Variants in COL5A2 observed in about 807,000 individuals in gnomAD.
The protein encoded by COL5A2 is collagen alpha-2(V) chain.
Under a neutral mutation model 208.2 loss-of-function variants are expected in COL5A2, and 23 were observed. The ratio of observed to expected loss-of-function variants is 0.11; its 90% CI spans 0.08 to 0.16. COL5A2 has a LOEUF of 0.16. COL5A2 is among the 10% of genes least tolerant of loss of function. COL5A2 has a pLI of 1.00. For missense variants in COL5A2, 1,590 were observed against 1,956.4 expected (o/e 0.81, Z 3.53); for synonymous variants, 625 against 628.5 (o/e 0.99, Z 0.08).
At chr2:189,201,295 A>T (rs2105857223) in intron 1 of COL5A2, among the ~76,000 whole-genome samples, 1 of 152,170 alleles carries the variant, frequency 6.6e-6, no homozygotes, top group Middle Eastern at 3.4e-3. Context: ...TATTAAAAAG[A>T]GGTTTTAATA....
At chr2:189,137,338 C>T (rs1687845833) in intron 1 of COL5A2, among the ~76,000 whole-genome samples, 1 of 152,108 alleles carries the variant, frequency 6.6e-6, no homozygotes, top group Admixed American at 6.5e-5. Context: ...CAAGGCCACG[C>T]CTAAATCCAA....
chr2:189,229,162 T>G (rs1477875054), upstream of COL5A2, among the ~76,000 whole-genome samples: 1 of 151,606 alleles, frequency 6.6e-6, no homozygotes, highest in Non-Finnish European at 1.5e-5. Context: ...CATCATAACA[T>G]AACAAGGTTA....
At chr2:189,092,214 G>T in intron 7 of COL5A2, 96 bp downstream of exon 7, 2 of 812,072 alleles carry the variant, frequency 2.5e-6, no homozygotes, top group Non-Finnish European at 4.2e-6. Context: ...ACAGTCAAGT[G>T]TCAATATCTG....
At chr2:189,171,902 G>A (rs1291375242) in intron 1 of COL5A2, among the ~76,000 whole-genome samples, 1 of 152,202 alleles carries the variant, frequency 6.6e-6, no homozygotes, top group Non-Finnish European at 1.5e-5. Context: ...GGAGCCCATG[G>A]ATGAAGCTGA....
intron 1 of COL5A2, among the ~76,000 whole-genome samples, chr2:189,167,607 C>T (rs796796061): frequency 1.5e-4 from 22 of 150,996 alleles, no homozygotes; most frequent in African/African-American, 5.1e-4. Context: ...CTTGCCTAAT[C>T]TCATCAACAA....
chr2:189,057,394 T>G lies in COL5A2; in HGVS notation c.2263A>C (p.Thr755Pro), dbSNP rs34395097. Reference sequence around the variant, plus strand: ...ATACCTTGAAGACCTGGTGGGCCTGTATCTCCAGGGGTCCCAGATGGACCT... The same window carrying G: ...ATACCTTGAAGACCTGGTGGGCCTGGATCTCCAGGGGTCCCAGATGGACCT... ...SPGPSGTPGDTGPPGLQGMPG... is the reference protein window; with the variant it reads ...SPGPSGTPGDPGPPGLQGMPG... The change falls in exon 34 of 54, where the codon ACA becomes CCA. Residue 755 changes from threonine (T) to proline (P), a missense_variant. Transcript: ENST00000374866. The G allele has an allele frequency of 3.0e-5, 49 of 1,613,598 alleles. No homozygotes were observed. The African/African-American group carries it at 6.0e-4, about 20-fold the overall frequency.
the COL5A2 span, among the ~76,000 whole-genome samples, chr2:189,435,878 G>T: frequency 5.3e-5 from 8 of 152,112 alleles, no homozygotes; most frequent in African/African-American, 1.9e-4. Context: ...ACACGCACAC[G>T]TTATGTTTAT....
the COL5A2 span, among the ~76,000 whole-genome samples, chr2:189,320,097 T>A: frequency 6.6e-6 from 1 of 152,204 alleles, no homozygotes; most frequent in African/African-American, 2.4e-5. Flanking sequence ...GACCTGCAGC[T>A]GAGGATTCCG....
At chr2:189,057,164 T>C in intron 34 of COL5A2, 138 bp from the exon 35 acceptor site, 2 of 1,084,076 alleles carry the variant, frequency 1.8e-6, no homozygotes, top group South Asian at 1.3e-5. Context: ...CCTCACACTG[T>C]GCATTTTCTC....
the COL5A2 span, among the ~76,000 whole-genome samples, chr2:189,258,897 A>G: frequency 6.6e-6 from 1 of 152,116 alleles, no homozygotes; most frequent in Admixed American, 6.5e-5. Context: ...ACAGGTGTCA[A>G]CCTTGGCTCT....
At chr2:189,250,372 A>C in the COL5A2 span, among the ~76,000 whole-genome samples, 1 of 152,208 alleles carries the variant, frequency 6.6e-6, no homozygotes, top group Non-Finnish European at 1.5e-5. Context: ...GCCAAAATTA[A>C]AACCCAGACA....
At chr2:189,060,918 T>G in intron 30 of COL5A2, 135 bp from the exon 31 acceptor site, 2 of 672,828 alleles carry the variant, frequency 3.0e-6, no homozygotes, top group Non-Finnish European at 5.3e-6. Context: ...TTCAGACATT[T>G]TAAGTAAAAA....
At chr2:189,197,854 GT>G (rs5837131) in intron 1 of COL5A2, among the ~76,000 whole-genome samples, 80,403 of 140,608 alleles carry the variant, frequency 0.57, 23,161 homozygotes, top group East Asian at 0.7. Context: ...ATAGGCTCTT[GT>G]TTTTTTTTTT....
At chr2:189,428,574 T>A in the COL5A2 span, among the ~76,000 whole-genome samples, 1 of 151,872 alleles carries the variant, frequency 6.6e-6, no homozygotes, top group Non-Finnish European at 1.5e-5. Context: ...GCCAAGACTG[T>A]GCCACTGCAC....
intron 1 of COL5A2, among the ~76,000 whole-genome samples, chr2:189,130,450 T>C (rs138232408): frequency 8.8e-4 from 134 of 152,202 alleles, no homozygotes; most frequent in Non-Finnish European, 1.6e-3. Flanking sequence ...ACACTCATCA[T>C]ATTTATTCCT....
At chr2:189,051,583 G>A (rs927259710) in intron 41 of COL5A2, 102 bp from the exon 42 acceptor site, 6 of 1,048,650 alleles carry the variant, frequency 5.7e-6, no homozygotes, top group African/African-American at 4.9e-5. Context: ...TCCAAGCCTC[G>A]CAGGTTCATT....
chr2:189,432,300 C>T, the COL5A2 span, among the ~76,000 whole-genome samples: 3 of 152,186 alleles, frequency 2.0e-5, no homozygotes, highest in Non-Finnish European at 2.9e-5. Context: ...CAGCTAACAT[C>T]ATAATGACAG....
intron 1 of COL5A2, among the ~76,000 whole-genome samples, chr2:189,123,802 C>T (rs1425038758): frequency 6.6e-6 from 1 of 152,118 alleles, no homozygotes; most frequent in African/African-American, 2.4e-5. Flanking sequence ...TCCACATAGT[C>T]CTAACAACCA....
chr2:189,284,466 G>A, the COL5A2 span, among the ~76,000 whole-genome samples: 1 of 152,124 alleles, frequency 6.6e-6, no homozygotes. Context: ...TACTACGGCA[G>A]AGCAAGAGAG....
Sources: gnomAD v4.1 joint callset for allele counts (sites outside exome capture counted in the v4.1 genomes callset) on GRCh38, gnomAD v4.1.1 for gene constraint, MANE v1.5 for transcripts, NCBI Gene and HGNC (gene_info 2026-07-23, HGNC 2026-07-21) for gene names.